Variants in ARSL observed in about 807,000 individuals in gnomAD.
The protein encoded by ARSL is arylsulfatase E (chondrodysplasia punctata 1).
A neutral mutation model predicts 31.1 loss-of-function variants in ARSL; 4 were observed. The ratio of observed to expected loss-of-function variants is 0.13; its 90% CI spans 0.06 to 0.29. ARSL has a LOEUF of 0.29. Among genes scored for constraint, ARSL ranks in the 10% least tolerant of loss-of-function variants. The pLI is 1.00. For synonymous variants in ARSL, 198 were observed against 209.9 expected (o/e 0.94, Z 0.49); for missense variants, 312 against 497.8 (o/e 0.63, Z 3.55).
chrX:2,954,283 C>T (rs1449284817), intron 4 of ARSL, among the ~76,000 whole-genome samples: 1 of 110,889 alleles, frequency 9.0e-6, no homozygotes, highest in South Asian at 3.9e-4. Flanking sequence ...AAATCTCTAC[C>T]CAAGGGTTTT....
chrX:2,952,785 A>G (rs2089479597), intron 5 of ARSL: 1 of 165,422 alleles, frequency 6.0e-6, no homozygotes, highest in Non-Finnish European at 1.1e-5. Context: ...AACATATGCC[A>G]TAGGCATGAG....
chrX:2,956,097 TGA>T (rs2089520521), intron 3 of ARSL, among the ~76,000 whole-genome samples: 1 of 111,870 alleles, frequency 8.9e-6, no homozygotes, highest in African/African-American at 3.3e-5. Context: ...CTGTTGGTAC[TGA>T]GAGACCGACC....
chrX:2,967,676 C>G (rs1328374132), upstream of ARSL, among the ~76,000 whole-genome samples: 1 of 112,176 alleles, frequency 8.9e-6, no homozygotes, highest in Non-Finnish European at 1.9e-5. Flanking sequence ...GAGGAAACAC[C>G]CATGCAAGAC....
chrX:2,952,087 A>C lies in ARSL; in HGVS notation c.430+1056T>G, dbSNP rs1204590748. 2.7e-5 allele frequency among the ~76,000 whole-genome samples: 3 copies of C among 110,720 alleles called. No homozygotes were observed. In the East Asian group the frequency reaches 8.5e-4, roughly 31 times the overall value. On this transcript the variant is annotated intron_variant, in intron 5 of 10. Coordinates refer to ENST00000381134, the MANE Select transcript of ARSL (RefSeq NM_000047.3). ...TCAAGGAACTGTTGTCATTAATTTTATTTTTCATCCAATACATGACATGTT... is the reference window on the plus strand; with the variant it reads ...TCAAGGAACTGTTGTCATTAATTTTCTTTTTCATCCAATACATGACATGTT...
intron 7 of ARSL, among the ~76,000 whole-genome samples, chrX:2,943,861 C>T (rs1464519693): frequency 9.3e-6 from 1 of 107,218 alleles, no homozygotes; most frequent in Non-Finnish European, 1.9e-5. Flanking sequence ...TGCAGCCACA[C>T]ACAAGGGAAC....
chrX:2,943,741 CAAAAAA>C (rs63205261), intron 7 of ARSL, among the ~76,000 whole-genome samples: 1 of 13,725 alleles, frequency 7.3e-5, no homozygotes, highest in Non-Finnish European at 1.3e-4. Context: ...GACTCGGTCT[CAAAAAA>C]AAAAAAAAAA....
chrX:2,944,774 G>A (rs909337406), intron 7 of ARSL, among the ~76,000 whole-genome samples: 2 of 110,221 alleles, frequency 1.8e-5, no homozygotes, highest in Non-Finnish European at 3.8e-5. Context: ...TCTAAACCCA[G>A]GAAATATAAT....
chrX:2,966,650 A>G (rs2089702031), upstream of ARSL, among the ~76,000 whole-genome samples: 1 of 107,930 alleles, frequency 9.3e-6, no homozygotes, highest in Admixed American at 1.0e-4. Flanking sequence ...TAAATATAAT[A>G]TATAAATATA....
intron 3 of ARSL, among the ~76,000 whole-genome samples, chrX:2,956,788 C>T (rs138609936): frequency 0.041 from 4,544 of 109,570 alleles, 238 homozygotes; most frequent in African/African-American, 0.14. Flanking sequence ...GGGTCTCTGT[C>T]GCCCAGAGTG....
intron 6 of ARSL, 126 bp from the exon 7 acceptor site, chrX:2,946,260 C>A: frequency 1.8e-6 from 1 of 553,316 alleles, no homozygotes; most frequent in Non-Finnish European, 2.8e-6. Flanking sequence ...CTCTGCTCAC[C>A]AAAAAGAAAC....
rs1322974082 is a variant in ARSL at position 2,935,144 on chromosome X, T to C, written c.1458A>G (p.Pro486=). ...KVHFVTPVFQ[P]EGAGACYGRK... The stretch of plus-strand genomic sequence containing the variant: ...TTCCATAGCAGGCACCGGCTCCCTC[T>C]GGCTGGAACACAGGCGTCACAAAGT... Residue 486 remains proline (P), a synonymous_variant, in exon 11 of 11, where the codon CCA becomes CCG. Transcript: ENST00000381134. 3 of 1,211,657 alleles carry C rather than the reference T, an allele frequency of 2.5e-6. No homozygotes were observed. In the Admixed American group the frequency reaches 6.5e-5, roughly 26 times the overall value.
At chrX:2,944,962 G>T (rs948516184) in intron 7 of ARSL, among the ~76,000 whole-genome samples, 1 of 108,046 alleles carries the variant, frequency 9.3e-6, no homozygotes, top group Non-Finnish European at 1.9e-5. Context: ...AGTGGAAGAG[G>T]AAGAAGAAGG....
rs2089434142 is a variant in ARSL at position 2,949,540 on chromosome X, C to T, written c.618G>A (p.Leu206=). ...KLNFLFQVLA[L]VALTLVAGKL... Reference sequence around the variant, plus strand: ...TCCCTGCTACCAGTGTGAGGGCAACCAAGGCCAGGACTTGGAAGAGGAAGT... The same window carrying T: ...TCCCTGCTACCAGTGTGAGGGCAACTAAGGCCAGGACTTGGAAGAGGAAGT... Residue 206 remains leucine, a synonymous_variant, in exon 6 of 11, where the codon TTG becomes TTA. Coordinates refer to ENST00000381134, the MANE Select transcript of ARSL (RefSeq NM_000047.3). The T allele has an allele frequency of 8.3e-7, 1 of 1,211,257 alleles. No individual in the cohort carries two copies. Among genetic ancestry groups the T allele is most frequent in the African/African-American group, 1.7e-5 (1 of 57,661 alleles).
chrX:2,944,275 G>A (rs1456419751), intron 7 of ARSL, among the ~76,000 whole-genome samples: 1 of 109,095 alleles, frequency 9.2e-6, no homozygotes, highest in Non-Finnish European at 1.9e-5. Context: ...CCAACATGGT[G>A]AAACCCCATC....
At chrX:2,964,022 A>C (rs2089674887) in intron 1 of ARSL, among the ~76,000 whole-genome samples, 1 of 111,743 alleles carries the variant, frequency 8.9e-6, no homozygotes, top group African/African-American at 3.3e-5. Flanking sequence ...CCTCTCCTGC[A>C]GATTAGAAAA....
At chrX:2,951,850 G>A (rs142406869) in intron 5 of ARSL, among the ~76,000 whole-genome samples, 2,543 of 95,396 alleles carry the variant, frequency 0.027, 45 homozygotes, top group East Asian at 0.11. Context: ...GTTTGACAGC[G>A]ATGACTGAAT....
chrX:2,949,821 G>A, intron 5 of ARSL, 94 bp from the exon 6 acceptor site: 1 of 968,509 alleles, frequency 1.0e-6, no homozygotes. Context: ...TACTCTGTTA[G>A]ACACTGGGGG....
chrX:2,954,668 G>A (rs985042342), intron 4 of ARSL, among the ~76,000 whole-genome samples: 3 of 111,310 alleles, frequency 2.7e-5, no homozygotes, highest in Non-Finnish European at 5.6e-5. Flanking sequence ...GCTATGGCAA[G>A]GCCAACAGAT....
At chrX:2,961,943 C>T (rs1422860389) in intron 1 of ARSL, among the ~76,000 whole-genome samples, 14 of 106,229 alleles carry the variant, frequency 1.3e-4, no homozygotes, top group African/African-American at 4.5e-4. Context: ...TGCAATGGCG[C>T]GATCTTGGCT....
Sources: allele counts gnomAD v4.1 joint callset (sites outside exome capture counted in the v4.1 genomes callset), GRCh38; gene constraint gnomAD v4.1.1; transcripts MANE v1.5; gene names NCBI Gene and HGNC (gene_info 2026-07-23, HGNC 2026-07-21).